ZSWIM6: variants seen among roughly 807,000 people sequenced by gnomAD.
ZSWIM6 encodes the protein zinc finger SWIM domain-containing protein 6.
ZSWIM6 carries 9 observed loss-of-function variants against 113.2 expected under a neutral mutation model. The ratio of observed to expected loss-of-function variants is 0.08; its 90% confidence interval spans 0.05 to 0.14. The LOEUF (loss-of-function observed/expected upper bound fraction) is 0.14, where lower values mean the gene tolerates loss of function less well. ZSWIM6 is among the 10% of genes least tolerant of loss of function. ZSWIM6 has a pLI of 1.00. For synonymous variants in ZSWIM6, 611 were observed against 606.5 expected (o/e 1.01, Z -0.11); for missense variants, 1,162 against 1,552.2 (o/e 0.75, Z 4.22).
intron 1 of ZSWIM6, among the ~76,000 whole-genome samples, chr5:61,431,860 G>A (rs978055307): frequency 6.6e-6 from 1 of 152,168 alleles, no homozygotes; most frequent in Non-Finnish European, 1.5e-5. Context: ...TGGGTATAAA[G>A]TCAATGCTTA....
chr5:61,514,359 C>T (rs568259133), intron 4 of ZSWIM6, among the ~76,000 whole-genome samples: 7 of 150,180 alleles, frequency 4.7e-5, no homozygotes, highest in Non-Finnish European at 1.0e-4. Context: ...CACTTGATGT[C>T]TTTAATCCCC....
intron 1 of ZSWIM6, among the ~76,000 whole-genome samples, chr5:61,381,963 G>A (rs1745496809): frequency 6.6e-6 from 1 of 152,186 alleles, no homozygotes; most frequent in African/African-American, 2.4e-5. Context: ...TGTTGTACTA[G>A]TAAAGGTCCA....
At chr5:61,448,739 A>G (rs1016015423) in intron 1 of ZSWIM6, among the ~76,000 whole-genome samples, 1 of 152,164 alleles carries the variant, frequency 6.6e-6, no homozygotes, top group African/African-American at 2.4e-5. Flanking sequence ...GGGTATGATA[A>G]GAATATGTAT....
Position 61,538,800 on chromosome 5 carries a change from T to C in ZSWIM6, c.2382-14T>C, listed in dbSNP as rs528071385. 6.5e-6 allele frequency: 10 copies of C among 1,543,762 alleles called. No individual in the cohort carries two copies. In the East Asian group the frequency reaches 2.5e-4, roughly 38 times the overall value. Reference sequence around the variant, plus strand: ...AAATAACTAGGGGCCACCTTCCTTGTCTTCTCATTATAGGTTACTAGTATT... The same window carrying C: ...AAATAACTAGGGGCCACCTTCCTTGCCTTCTCATTATAGGTTACTAGTATT... On this transcript the variant is annotated splice_polypyrimidine_tract_variant and intron_variant, in intron 10 of 13. Transcript: ENST00000252744.
chr5:61,426,523 A>G (rs1055901538), intron 1 of ZSWIM6, among the ~76,000 whole-genome samples: 12 of 152,206 alleles, frequency 7.9e-5, no homozygotes, highest in African/African-American at 2.9e-4. Context: ...TGTCACCTTC[A>G]ATAAATTTAA....
chr5:61,359,034 T>G (rs182031096), intron 1 of ZSWIM6, among the ~76,000 whole-genome samples: 1 of 152,140 alleles, frequency 6.6e-6, no homozygotes, highest in South Asian at 2.1e-4. Context: ...CTTAGTCTCA[T>G]TAAGAGCGCA....
intron 1 of ZSWIM6, among the ~76,000 whole-genome samples, chr5:61,369,180 A>C (rs955986328): frequency 1.3e-5 from 2 of 152,222 alleles, no homozygotes; most frequent in Admixed American, 1.3e-4. Context: ...TATTGTTCTA[A>C]GACCTGAAGA....
At chr5:61,336,604 CA>C (rs1451050156) in intron 1 of ZSWIM6, among the ~76,000 whole-genome samples, 4 of 151,836 alleles carry the variant, frequency 2.6e-5, no homozygotes, top group Non-Finnish European at 4.4e-5. Flanking sequence ...CCAAAAAATA[CA>C]AAAATTAGGC....
rs189838162 is a variant in ZSWIM6, at chr5:61,431,602, G to A, written c.677-41079G>A. Among the ~76,000 whole-genome samples the A allele has an allele frequency of 8.4e-4, 126 of 149,130 alleles. 6 individuals carry two copies. The East Asian group carries it at 0.02, about 24-fold the overall frequency. On this transcript the variant is annotated intron_variant, in intron 1 of 13. Coordinates refer to ENST00000252744, the MANE Select transcript of ZSWIM6 (RefSeq NM_020928.2). ...CTACTAAAAATAAAAAAAATTAGCC[G>A]GGCGTGGTGGTGGGCGCCTGTAGTC...
intron 1 of ZSWIM6, among the ~76,000 whole-genome samples, chr5:61,456,695 G>A (rs1391886349): frequency 6.6e-6 from 1 of 152,142 alleles, no homozygotes; most frequent in Non-Finnish European, 1.5e-5. Flanking sequence ...GAGGTTGAAA[G>A]TGTGGAAAGA....
At chr5:61,525,038 C>T (rs950253314) in intron 5 of ZSWIM6, among the ~76,000 whole-genome samples, 5 of 152,146 alleles carry the variant, frequency 3.3e-5, no homozygotes, top group Admixed American at 2.0e-4. Context: ...GAACCCTCTT[C>T]GGAGTGTATG....
intron 4 of ZSWIM6, among the ~76,000 whole-genome samples, chr5:61,519,818 G>C (rs78392888): frequency 3.3e-5 from 5 of 152,110 alleles, no homozygotes; most frequent in Admixed American, 1.3e-4. Context: ...TTCCACGGAT[G>C]GGGGGTGGGA....
At chr5:61,533,130 A>T (rs185251658) in intron 9 of ZSWIM6, among the ~76,000 whole-genome samples, 20 of 152,332 alleles carry the variant, frequency 1.3e-4, no homozygotes, top group Admixed American at 1.2e-3. Flanking sequence ...TTTTATGAGT[A>T]CTGTGCCTGA....
At chr5:61,530,356 C>T (rs141517697) in intron 8 of ZSWIM6, among the ~76,000 whole-genome samples, 158 bp downstream of exon 8, 2 of 152,308 alleles carry the variant, frequency 1.3e-5, no homozygotes, top group East Asian at 1.9e-4. Flanking sequence ...CATGCTTTCA[C>T]GCAGGCTGCT....
intron 1 of ZSWIM6, among the ~76,000 whole-genome samples, chr5:61,370,654 C>A (rs973972599): frequency 6.6e-6 from 1 of 152,112 alleles, no homozygotes; most frequent in South Asian, 2.1e-4. Flanking sequence ...TCACTCTGCC[C>A]GTATTTTCTT....
chr5:61,383,567 G>A (rs766575035), intron 1 of ZSWIM6, among the ~76,000 whole-genome samples: 11 of 150,994 alleles, frequency 7.3e-5, no homozygotes, highest in Non-Finnish European at 8.8e-5. Flanking sequence ...ACGGAATCTC[G>A]CTCTGTTGCC....
At chr5:61,368,262 A>G (rs1364720375) in intron 1 of ZSWIM6, among the ~76,000 whole-genome samples, 2 of 152,220 alleles carry the variant, frequency 1.3e-5, no homozygotes, top group Admixed American at 6.5e-5. Context: ...ATAAAACATA[A>G]TTATTAGTAA....
At chr5:61,420,413 G>A (rs2112123787) in intron 1 of ZSWIM6, among the ~76,000 whole-genome samples, 1 of 152,210 alleles carries the variant, frequency 6.6e-6, no homozygotes, top group Admixed American at 6.5e-5. Context: ...ACATCAGATA[G>A]GAAGAAAGAT....
At position 61,332,285 on chromosome 5, in the gene ZSWIM6, G is replaced by C; in HGVS notation, c.13G>C (p.Gly5Arg). The change falls in exon 1 of 14, where the codon GGA (glycine) becomes CGA (arginine). Residue 5 changes from glycine to arginine, a missense_variant. This residue lies in a region of ZSWIM6 where 333 missense variants were observed against 293.4 expected (regional missense o/e 1.13). Coordinates refer to ENST00000252744, the MANE Select transcript of ZSWIM6 (RefSeq NM_020928.2). Reference protein sequence around the residue: MAERGQQPPPAKRLC... With the variant: MAERRQQPPPAKRLC... ...AAGCGGCGCGGTCATGGCGGAGCGC[G>C]GACAGCAGCCTCCTCCCGCGAAACG... is the stretch of plus-strand genomic sequence containing the variant. 8.6e-7 allele frequency: 1 copy of C among 1,165,644 alleles called. No individual in the cohort carries two copies. Among genetic ancestry groups the C allele is most frequent in the Non-Finnish European group, 1.1e-6 (1 of 944,002 alleles). 72.2% of individuals were successfully genotyped at this position (1,165,644 alleles called of 1,614,324 possible). A position where few individuals can be genotyped will look rare whatever the true frequency, so the allele number is the denominator to read the frequency against.
Sources: gnomAD v4.1 joint callset for allele counts (sites outside exome capture counted in the v4.1 genomes callset) on GRCh38, gnomAD v4.1.1 for gene constraint, gnomAD v4.1.1 regional missense constraint, MANE v1.5 for transcripts, NCBI Gene and HGNC (gene_info 2026-07-23, HGNC 2026-07-21) for gene names.